The following RIC8B variants were observed in gnomAD, a reference collection of about 807,000 sequenced individuals.
The protein encoded by RIC8B is chaperone Ric-8B.
A neutral mutation model predicts 57.5 loss-of-function variants in RIC8B; 16 were observed. That is an observed-to-expected ratio of 0.28 (90% CI 0.19 to 0.42). The LOEUF (loss-of-function observed/expected upper bound fraction) is 0.42. Among genes scored for constraint, RIC8B ranks in the 10% least tolerant of loss-of-function variants. RIC8B has a pLI of 1.00. For missense variants in RIC8B, 481 were observed against 677.0 expected (o/e 0.71, Z 3.21); for synonymous variants, 216 against 250.8 (o/e 0.86, Z 1.31).
At chr12:106,778,977 G>A (rs371817102) in intron 1 of RIC8B, among the ~76,000 whole-genome samples, 3 of 152,154 alleles carry the variant, frequency 2.0e-5, no homozygotes, top group South Asian at 2.1e-4. Context: ...GCAATGGCGC[G>A]ATCTCGGCTT....
At chr12:106,774,878 C>T (rs547255527) in intron 1 of RIC8B, 49 bp downstream of exon 1, 1 of 1,408,740 alleles carries the variant, frequency 7.1e-7, no homozygotes. Context: ...CCGGGCCGCC[C>T]TCCGTGCTTG....
At chr12:106,778,852 A>C (rs1301037620) in intron 1 of RIC8B, among the ~76,000 whole-genome samples, 1 of 152,226 alleles carries the variant, frequency 6.6e-6, no homozygotes, top group Non-Finnish European at 1.5e-5. Context: ...GTGGATACCA[A>C]AATCTTCTAA....
chr12:106,843,815 A>T, intron 5 of RIC8B, 37 bp from the exon 6 acceptor site: 3 of 1,458,146 alleles, frequency 2.1e-6, no homozygotes, highest in Non-Finnish European at 2.9e-6. Flanking sequence ...AAACAAAACT[A>T]ACGTATTTCA....
intron 2 of RIC8B, among the ~76,000 whole-genome samples, chr12:106,806,396 T>C (rs1454962237): frequency 2.0e-5 from 3 of 152,202 alleles, no homozygotes; most frequent in African/African-American, 7.2e-5. Context: ...CACTCCTAAA[T>C]TTCCTCTTGC....
chr12:106,869,699 G>A (rs994386530), intron 8 of RIC8B, among the ~76,000 whole-genome samples: 1 of 152,188 alleles, frequency 6.6e-6, no homozygotes, highest in African/African-American at 2.4e-5. Context: ...CAGCACTTCA[G>A]GAGCTGAGGC....
chr12:106,885,877 T>TC, intron 9 of RIC8B, 27 bp from the exon 10 acceptor site: 1 of 1,478,344 alleles, frequency 6.8e-7, no homozygotes, highest in Non-Finnish European at 9.5e-7. Context: ...ATACTTTTTT[T>TC]TCTCTCTCTT....
chr12:106,852,552 A>G (rs1949518863), intron 7 of RIC8B, among the ~76,000 whole-genome samples: 1 of 152,236 alleles, frequency 6.6e-6, no homozygotes, highest in Admixed American at 6.5e-5. Context: ...ATTGAGAGGT[A>G]TCATGTGCCT....
In RIC8B at chr12:106,827,985, G is replaced by A. The variant is rs142158563; in HGVS notation, c.836+2165G>A. ...ATAATGAATTTAATATCTTGACGCA[G>A]CACCCAGTATTTGTTGAAAGAGAGC... On this transcript the variant is annotated intron_variant, in intron 4 of 9. Coordinates refer to ENST00000392837, the MANE Select transcript of RIC8B (RefSeq NM_001330145.2). Among the ~76,000 whole-genome samples, 296 of 152,300 alleles carry A rather than the reference G, an allele frequency of 1.9e-3. 3 individuals carry two copies. Among genetic ancestry groups the A allele is most frequent in the African/African-American group, 6.7e-3 (280 of 41,572 alleles).
chr12:106,803,827 C>G (rs2044866839), intron 2 of RIC8B, among the ~76,000 whole-genome samples: 1 of 152,092 alleles, frequency 6.6e-6, no homozygotes, highest in African/African-American at 2.4e-5. Context: ...TAAAATGTTG[C>G]TATTGGTTAA....
chr12:106,877,654 T>C (rs779888660), intron 9 of RIC8B, among the ~76,000 whole-genome samples: 7 of 152,188 alleles, frequency 4.6e-5, no homozygotes, highest in Non-Finnish European at 1.0e-4. Context: ...ATGGCTCTTC[T>C]GACAAATTTT....
chr12:106,862,669 T>C (rs1397019839), intron 8 of RIC8B, among the ~76,000 whole-genome samples: 1 of 152,112 alleles, frequency 6.6e-6, no homozygotes, highest in Non-Finnish European at 1.5e-5. Flanking sequence ...GTTGCTACTA[T>C]TGGCAGAAGC....
At chr12:106,822,671 T>C (rs140768430) in intron 3 of RIC8B, 1 of 152,298 alleles carries the variant, frequency 6.6e-6, no homozygotes, top group Non-Finnish European at 1.5e-5. Context: ...GCCAAACTGC[T>C]CAAAAGTTTC....
intron 9 of RIC8B, among the ~76,000 whole-genome samples, chr12:106,884,640 A>G (rs2136687095): frequency 6.6e-6 from 1 of 152,284 alleles, no homozygotes; most frequent in Middle Eastern, 3.4e-3. Context: ...AGCCTGTCAG[A>G]CGTTCACATT....
intron 2 of RIC8B, among the ~76,000 whole-genome samples, chr12:106,809,449 G>T (rs371109687): frequency 6.7e-6 from 1 of 150,058 alleles, no homozygotes; most frequent in Non-Finnish European, 1.5e-5. Context: ...CTTGAACTCC[G>T]AAGGCGGAGG....
rs1950832235 is a variant in RIC8B at position 106,879,589 on chromosome 12, T to C, written c.1572-6315T>C. On this transcript the variant is annotated intron_variant, in intron 9 of 9. Transcript: ENST00000392837. The surrounding 1 kb of genome is among the most constrained non-coding windows in gnomAD (Gnocchi z 4.9). ...TATGGTGTAAATTCCGTATCTCCCA[T>C]CCCTAGCTCTTTAAGAAATTATTTT... is the stretch of plus-strand genomic sequence containing the variant. 3 of 985,280 alleles carry C rather than the reference T, an allele frequency of 3.0e-6. No homozygotes were observed. Among genetic ancestry groups the C allele is most frequent in the Non-Finnish European group, 3.6e-6 (3 of 829,856 alleles). 61.0% of individuals were successfully genotyped at this position (985,280 alleles called of 1,614,324 possible).
chr12:106,843,761 C>G (rs577881432), intron 5 of RIC8B, 91 bp from the exon 6 acceptor site: 295 of 461,958 alleles, frequency 6.4e-4, no homozygotes, highest in Middle Eastern at 3.0e-3. Flanking sequence ...ACCTCAAAAA[C>G]AAATTGATAT....
intron 7 of RIC8B, among the ~76,000 whole-genome samples, chr12:106,853,453 CTTTTTTTTTTTTTTT>C (rs758876525): frequency 7.6e-4 from 29 of 38,036 alleles, no homozygotes; most frequent in South Asian, 6.9e-3. Flanking sequence ...GCTTTATAGT[CTTTTTTTTTTTTTTT>C]TTTTTTTTTT....
chr12:106,859,568 G>GGT (rs112778525), intron 7 of RIC8B, among the ~76,000 whole-genome samples: 9,686 of 152,056 alleles, frequency 0.064, 466 homozygotes, highest in African/African-American at 0.13. Flanking sequence ...TAACTTGTGA[G>GGT]GTAGATAGTT....
chr12:106,868,879 G>T (rs1478261380), intron 8 of RIC8B, among the ~76,000 whole-genome samples: 2 of 142,410 alleles, frequency 1.4e-5, no homozygotes, highest in African/African-American at 5.2e-5. Flanking sequence ...TTTTGAGACG[G>T]AGTCTCGCTC....
Sources: gnomAD v4.1 joint callset for allele counts (sites outside exome capture counted in the v4.1 genomes callset) on GRCh38, gnomAD v4.1.1 for gene constraint, Gnocchi (gnomAD v3.1) non-coding constraint, MANE v1.5 for transcripts, NCBI Gene and HGNC (gene_info 2026-07-23, HGNC 2026-07-21) for gene names.